The following FAM3B variants were observed in gnomAD, a reference collection of about 807,000 sequenced individuals.
FAM3B encodes protein FAM3B.
FAM3B carries 29 observed loss-of-function variants against 28.4 expected under a neutral mutation model. That is an observed-to-expected ratio of 1.02 (90% CI 0.76 to 1.39). The LOEUF is 1.39. Among genes scored for constraint, FAM3B ranks in the 40% most tolerant of loss-of-function variants. The pLI, the probability that FAM3B is intolerant of heterozygous loss-of-function variation, is 0.00. For synonymous variants in FAM3B, 91 were observed against 103.0 expected (o/e 0.88, Z 0.71); for missense variants, 266 against 293.9 (o/e 0.91, Z 0.69).
intron 1 of FAM3B, among the ~76,000 whole-genome samples, chr21:41,321,303 C>T (rs79739968): frequency 6.6e-6 from 1 of 152,338 alleles, no homozygotes; most frequent in Non-Finnish European, 1.5e-5. Context: ...TCTGTGGTGT[C>T]TGTGTGGGCG....
upstream of FAM3B, among the ~76,000 whole-genome samples, chr21:41,315,387 C>T (rs1286356204): frequency 6.6e-6 from 1 of 152,144 alleles, no homozygotes; most frequent in Non-Finnish European, 1.5e-5. Flanking sequence ...TTGGACTTTA[C>T]ACTTCAAGAT....
At chr21:41,322,791 A>C in intron 1 of FAM3B, 132 bp from the exon 2 acceptor site, 1 of 1,385,810 alleles carries the variant, frequency 7.2e-7, no homozygotes, top group East Asian at 2.4e-5. Context: ...GCCTCCTCCC[A>C]GGAGCACAGT....
At chr21:41,307,118 C>T (rs78971144) in intron 1 of FAM3B, among the ~76,000 whole-genome samples, 6 of 152,146 alleles carry the variant, frequency 3.9e-5, no homozygotes, top group African/African-American at 7.2e-5. Context: ...TTAGTGTAGC[C>T]GCCTTTATCA....
chr21:41,340,842 C>A (rs2088999932), intron 3 of FAM3B, among the ~76,000 whole-genome samples: 1 of 152,018 alleles, frequency 6.6e-6, no homozygotes, highest in African/African-American at 2.4e-5. Flanking sequence ...CCTCTTGTTC[C>A]CATCTCCATT....
At chr21:41,320,529 C>T (rs1192821209) in intron 1 of FAM3B, 1 of 152,330 alleles carries the variant, frequency 6.6e-6, no homozygotes, top group Non-Finnish European at 1.5e-5. Context: ...CCTGCCCTCC[C>T]TCTAGCGGCT....
rs2089091030 is a variant in FAM3B at position 41,349,107 on chromosome 21, A to G, written c.618+383A>G. ...AAACACTCAAAACAGGCTGGACACC[A>G]AATCAACACTGCACAAATCTGGCTT... On this transcript the variant is annotated intron_variant, in intron 7 of 7. Transcript: ENST00000357985. Among the ~76,000 whole-genome samples, 4 of 152,374 alleles carry G rather than the reference A, an allele frequency of 2.6e-5. No individual in the cohort carries two copies. The South Asian group carries it at 8.3e-4, about 32-fold the overall frequency.
chr21:41,329,307 G>T (rs1362746641), intron 2 of FAM3B, among the ~76,000 whole-genome samples: 1 of 152,188 alleles, frequency 6.6e-6, no homozygotes, highest in Admixed American at 6.5e-5. Context: ...ATTTTGATTA[G>T]TGTGATGTAA....
chr21:41,332,944 T>C (rs535658997), intron 2 of FAM3B, among the ~76,000 whole-genome samples: 1 of 152,286 alleles, frequency 6.6e-6, no homozygotes, highest in East Asian at 1.9e-4. Flanking sequence ...ACTTCTATTA[T>C]GATTGTTGTC....
intron 7 of FAM3B, among the ~76,000 whole-genome samples, chr21:41,350,077 T>TG (rs1375344937): frequency 2.0e-5 from 3 of 152,200 alleles, no homozygotes; most frequent in Admixed American, 2.0e-4. Context: ...GAGGGCAAGC[T>TG]GAACCAGCCA....
chr21:41,334,690 G>T (rs2088937183), intron 2 of FAM3B, among the ~76,000 whole-genome samples: 1 of 152,220 alleles, frequency 6.6e-6, no homozygotes, highest in Non-Finnish European at 1.5e-5. Context: ...AAGGGGAAAT[G>T]TGGGGTTTGA....
At chr21:41,315,825 GC>G (rs1163136043), upstream of FAM3B, among the ~76,000 whole-genome samples, 2 of 152,176 alleles carry the variant, frequency 1.3e-5, no homozygotes, top group East Asian at 1.9e-4. Context: ...TCAGGGCCAA[GC>G]CCACCAGGGT....
chr21:41,313,164 A>G (rs144177148), upstream of FAM3B, among the ~76,000 whole-genome samples: 153 of 152,314 alleles, frequency 1.0e-3, no homozygotes, highest in Non-Finnish European at 1.9e-3. Context: ...CAATCCCCTG[A>G]TTGGCTCTGT....
chr21:41,308,819 G>A (rs924284489), intron 1 of FAM3B, among the ~76,000 whole-genome samples: 4 of 152,108 alleles, frequency 2.6e-5, no homozygotes, highest in Non-Finnish European at 4.4e-5. Flanking sequence ...CAGTCCAGGC[G>A]AGGTGCAAAT....
At chr21:41,341,794 G>C (rs1039024200) in intron 3 of FAM3B, among the ~76,000 whole-genome samples, 2 of 152,098 alleles carry the variant, frequency 1.3e-5, no homozygotes, top group Non-Finnish European at 2.9e-5. Context: ...TATGTCTCTT[G>C]GTGCACATGC....
intron 2 of FAM3B, among the ~76,000 whole-genome samples, chr21:41,323,516 C>T (rs564154242): frequency 8.5e-5 from 13 of 152,332 alleles, no homozygotes; most frequent in Non-Finnish European, 1.0e-4. Context: ...GGTGAACACA[C>T]GGCCTCAACC....
At chr21:41,321,171 C>T (rs2123694456) in intron 1 of FAM3B, among the ~76,000 whole-genome samples, 1 of 152,330 alleles carries the variant, frequency 6.6e-6, no homozygotes, top group Middle Eastern at 3.4e-3. Context: ...CGGCCTTTTC[C>T]TTTGAACGTG....
At chr21:41,356,949 A>G (rs1322890332) in intron 7 of FAM3B, among the ~76,000 whole-genome samples, 159 bp from the exon 8 acceptor site, 1 of 152,224 alleles carries the variant, frequency 6.6e-6, no homozygotes, top group Non-Finnish European at 1.5e-5. Context: ...ATATTAATTT[A>G]AAAATTATTA....
upstream of FAM3B, among the ~76,000 whole-genome samples, chr21:41,314,791 A>C (rs2088735468): frequency 6.6e-6 from 1 of 151,802 alleles, no homozygotes; most frequent in South Asian, 2.1e-4. Context: ...AGATAACAAC[A>C]TGCGTTGGTG....
Position 41,316,884 on chromosome 21 carries a change from G to T in FAM3B, c.5G>T (p.Arg2Leu), listed in dbSNP as rs2123689468. ...GAGGGGAGCGGCACCTGGAAGATGC[G>T]CCCATTGGCTGGTGGTGAGTGCGCC... Reference protein sequence around the residue: MRPLAGGLLKVV... With the variant: MLPLAGGLLKVV... The change falls in exon 1 of 8, where the codon CGC becomes CTC. Residue 2 changes from arginine to leucine, a missense_variant. By Grantham distance (102) the Arg-to-Leu change is moderately radical (BLOSUM62 -2). Transcript: ENST00000357985. 1 of 1,403,728 alleles carries T rather than the reference G, an allele frequency of 7.1e-7. No individual in the cohort carries two copies. Among genetic ancestry groups the T allele is most frequent in the East Asian group, 2.9e-5 (1 of 34,802 alleles). The allele number at this position is 1,403,728 out of a possible 1,614,324, so 87.0% of individuals were successfully genotyped here.
Sources: allele counts gnomAD v4.1 joint callset (sites outside exome capture counted in the v4.1 genomes callset), GRCh38; gene constraint gnomAD v4.1.1; transcripts MANE v1.5; gene names NCBI Gene and HGNC (gene_info 2026-07-23, HGNC 2026-07-21).